The following LVRN variants were observed in gnomAD, a reference collection of about 807,000 sequenced individuals.
The protein encoded by LVRN is aminopeptidase Q.
Under a neutral mutation model 111.4 loss-of-function variants are expected in LVRN, and 99 were observed. The observed-to-expected ratio is 0.89, with a 90% CI of 0.76 to 1.05. The LOEUF (loss-of-function observed/expected upper bound fraction) is 1.05. LVRN is among the 50% of genes least tolerant of loss of function. The probability of loss-of-function intolerance (pLI) is 0.00; values close to 1 mark genes in which losing one functional copy is unlikely to be tolerated. For missense variants in LVRN, 1,414 were observed against 1,206.8 expected, an observed-to-expected ratio of 1.17 and a Z score of -2.54; for synonymous variants, 488 against 449.5, an observed-to-expected ratio of 1.09 and a Z score of -1.08.
At chr5:116,020,695 A>G (rs574324727) in intron 18 of LVRN, among the ~76,000 whole-genome samples, 20 of 152,312 alleles carry the variant, frequency 1.3e-4, no homozygotes, top group Middle Eastern at 3.4e-3. Context: ...GCCTGTTCCC[A>G]TGGCATGGAT....
chr5:115,979,077 G>A (rs901851369), intron 1 of LVRN, among the ~76,000 whole-genome samples: 1 of 152,008 alleles, frequency 6.6e-6, no homozygotes, highest in African/African-American at 2.4e-5. Context: ...CCTCCTCCAG[G>A]TGGCTCTACT....
At chr5:116,019,337 A>G (rs986674258) in intron 18 of LVRN, among the ~76,000 whole-genome samples, 28 of 152,228 alleles carry the variant, frequency 1.8e-4, no homozygotes, top group African/African-American at 6.5e-4. Context: ...TCCCTCATAC[A>G]TATTGTCCAT....
In LVRN at chr5:115,963,291, A is replaced by T. The variant is rs371513965; in HGVS notation, c.674A>T (p.Tyr225Phe). 6.2e-6 allele frequency: 10 copies of T among 1,610,600 alleles called. No homozygotes were observed. In the South Asian group the frequency reaches 1.1e-4, roughly 18 times the overall value. Residue 225 changes from tyrosine (Y) to phenylalanine (F), a missense_variant, in exon 1 of 20, where the codon TAC (tyrosine) becomes TTC (phenylalanine). Physicochemically the swap from Tyr to Phe is conservative, Grantham distance 22 (BLOSUM62 3). Coordinates refer to ENST00000357872, the MANE Select transcript of LVRN (RefSeq NM_173800.5). ...AGGGAGGGACTCTTCCTCAACGTCT[A>T]CACCGACCAGGGCGAGCGCAGGTAA... ...DLREGLFLNV[Y>F]TDQGERRALL...
Position 116,006,045 on chromosome 5 carries a change from A to G in LVRN, c.2093+78A>G, listed in dbSNP as rs1199123832. ...AAAAATAATAGCTTCATCACTATGAATTTGATTATTTAGTCTATACAGGCC... is the reference window on the plus strand; with the variant it reads ...AAAAATAATAGCTTCATCACTATGAGTTTGATTATTTAGTCTATACAGGCC... On this transcript the variant is annotated intron_variant, in intron 13 of 19. Transcript: ENST00000357872. 4 of 1,210,886 alleles carry G rather than the reference A, an allele frequency of 3.3e-6. No individual in the cohort carries two copies. The African/African-American group carries it at 6.1e-5, about 19-fold the overall frequency. The allele number at this position is 1,210,886 out of a possible 1,614,324, so 75.0% of individuals were successfully genotyped here. A position where few individuals can be genotyped will look rare whatever the true frequency, so the allele number is the denominator to read the frequency against.
intron 1 of LVRN, among the ~76,000 whole-genome samples, chr5:115,981,498 A>C (rs1397187273): frequency 6.6e-6 from 1 of 152,128 alleles, no homozygotes; most frequent in African/African-American, 2.4e-5. Context: ...TACATGAGAT[A>C]CTTTGATATA....
intron 15 of LVRN, among the ~76,000 whole-genome samples, chr5:116,013,273 G>A (rs1748528492): frequency 6.6e-6 from 1 of 152,128 alleles, no homozygotes; most frequent in South Asian, 2.1e-4. Context: ...GTGATTAGAA[G>A]GACATAAAAT....
intron 11 of LVRN, 88 bp from the exon 12 acceptor site, chr5:116,003,153 A>C (rs899918477): frequency 1.0e-5 from 13 of 1,249,634 alleles, no homozygotes; most frequent in Non-Finnish European, 1.4e-5. Flanking sequence ...TTGTTGGTTT[A>C]TTGTTTAGAA....
chr5:116,005,837 A>G (rs1561565635), intron 12 of LVRN, 75 bp from the exon 13 acceptor site: 1 of 1,258,846 alleles, frequency 7.9e-7, no homozygotes, highest in African/African-American at 1.5e-5. Context: ...TAATCTTTAA[A>G]TTGTTGTTAT....
In LVRN at chr5:115,962,800, C is replaced by A. The variant is rs1753110773; in HGVS notation, c.183C>A (p.Pro61=). ...LRDLEAESSP[P]LRQKPTPTPK... ...ACTTGGAAGCCGAGTCTTCCCCTCC[C>A]CTCAGGCAGAAGCCGACGCCAACCC... The change falls in exon 1 of 20, where the codon CCC becomes CCA. Residue 61 remains proline, a synonymous_variant. Coordinates refer to ENST00000357872, the MANE Select transcript of LVRN (RefSeq NM_173800.5). 3.7e-6 allele frequency: 6 copies of A among 1,611,826 alleles called. No homozygotes were observed. Among genetic ancestry groups the A allele is most frequent in the African/African-American group, 1.3e-5 (1 of 74,958 alleles).
rs775664997 is a variant in LVRN at position 115,999,939 on chromosome 5, C to T, written c.1515+37C>T. 3.2e-6 allele frequency: 5 copies of T among 1,578,560 alleles called. No homozygotes were observed. The African/African-American group carries it at 6.9e-5, about 22-fold the overall frequency. ...TAGAAATTTCCTTTGGTTTTGTACT[C>T]TGGTAGAAAGTTGCATAAAATGGAT... On this transcript the variant is annotated intron_variant, in intron 7 of 19. Coordinates refer to ENST00000357872, the MANE Select transcript of LVRN (RefSeq NM_173800.5).
At chr5:115,997,162 A>T (rs1196014935) in intron 6 of LVRN, among the ~76,000 whole-genome samples, 1 of 152,064 alleles carries the variant, frequency 6.6e-6, no homozygotes, top group South Asian at 2.1e-4. Flanking sequence ...ATAATAATCC[A>T]TTGAGGACAT....
At chr5:116,017,726 T>C (rs1346597484) in intron 18 of LVRN, among the ~76,000 whole-genome samples, 4 of 152,184 alleles carry the variant, frequency 2.6e-5, no homozygotes, top group Non-Finnish European at 5.9e-5. Flanking sequence ...TGAATAGGCT[T>C]TAAGATAATT....
intron 3 of LVRN, among the ~76,000 whole-genome samples, chr5:115,987,212 A>G (rs1000174840): frequency 6.6e-6 from 1 of 152,194 alleles, no homozygotes; most frequent in Non-Finnish European, 1.5e-5. Flanking sequence ...TGGAAGTGTC[A>G]TTTGGCAATA....
At chr5:116,014,611 T>A in intron 16 of LVRN, 84 bp downstream of exon 16, 1 of 1,105,156 alleles carries the variant, frequency 9.0e-7, no homozygotes, top group Non-Finnish European at 1.3e-6. Context: ...ACTGTGGGAA[T>A]GAGTGTTTTG....
chr5:116,005,341 C>T (rs960311350), intron 12 of LVRN, among the ~76,000 whole-genome samples: 4 of 152,318 alleles, frequency 2.6e-5, no homozygotes, highest in African/African-American at 9.6e-5. Flanking sequence ...ATCCTGTGGC[C>T]TGGCAATGCC....
chr5:115,974,180 G>A (rs547767984), intron 1 of LVRN, among the ~76,000 whole-genome samples: 1 of 152,244 alleles, frequency 6.6e-6, no homozygotes, highest in East Asian at 1.9e-4. Flanking sequence ...TGATACTACA[G>A]ATATTGCAGA....
chr5:115,963,201 C>A lies in LVRN; in HGVS notation c.584C>A (p.Pro195His), dbSNP rs145336539. The change falls in exon 1 of 20, where the codon CCC becomes CAC. Residue 195 changes from proline to histidine, a missense_variant. Transcript: ENST00000357872. ...TACATGGTGCTGGAGCTCAGTGAGCCCCTGAAACCTGGTAGCAGCTACGAG... is the reference window on the plus strand; with the variant it reads ...TACATGGTGCTGGAGCTCAGTGAGCACCTGAAACCTGGTAGCAGCTACGAG... ...TEYMVLELSE[P>H]LKPGSSYELQ... is the part of the protein sequence containing the mutation. 1 of 1,612,812 alleles carries A rather than the reference C, an allele frequency of 6.2e-7. No homozygotes were observed. The highest frequency in any genetic ancestry group is 1.7e-5 in the Admixed American group (1 of 59,948).
Position 116,012,549 on chromosome 5 carries a change from C to T in LVRN, c.2342+81C>T, listed in dbSNP as rs1748513933. On this transcript the variant is annotated intron_variant, in intron 15 of 19. Coordinates refer to ENST00000357872, the MANE Select transcript of LVRN (RefSeq NM_173800.5). Reference sequence around the variant, plus strand: ...TCCAGAAGTAATAAAATAAAATCTTCATATCTGTTATTCATTGAGAGATTT... The same window carrying T: ...TCCAGAAGTAATAAAATAAAATCTTTATATCTGTTATTCATTGAGAGATTT... 10 of 856,026 alleles carry T rather than the reference C, an allele frequency of 1.2e-5. No individual in the cohort carries two copies. The East Asian group carries it at 2.8e-4, about 24-fold the overall frequency. The allele number at this position is 856,026 out of a possible 1,614,324, so 53.0% of individuals were successfully genotyped here.
chr5:115,970,381 A>ATTT (rs1753296672), intron 1 of LVRN, among the ~76,000 whole-genome samples: 3 of 139,816 alleles, frequency 2.1e-5, no homozygotes, highest in South Asian at 2.2e-4. Flanking sequence ...TTTGAAATAC[A>ATTT]TTCTTTTTTT....
Sources: allele counts gnomAD v4.1 joint callset (sites outside exome capture counted in the v4.1 genomes callset), GRCh38; gene constraint gnomAD v4.1.1; transcripts MANE v1.5; gene names NCBI Gene and HGNC (gene_info 2026-07-23, HGNC 2026-07-21).